Variants in CLEC16A observed in about 807,000 individuals in gnomAD.
The protein encoded by CLEC16A is protein CLEC16A.
CLEC16A carries 51 observed loss-of-function variants against 109.5 expected under a neutral mutation model. The ratio of observed to expected loss-of-function variants is 0.47; its 90% confidence interval spans 0.37 to 0.59. The LOEUF (loss-of-function observed/expected upper bound fraction) is 0.59. Among genes scored for constraint, CLEC16A ranks in the 20% least tolerant of loss-of-function variants. The pLI is 0.00. For synonymous variants in CLEC16A, 673 were observed against 564.2 expected (o/e 1.19, Z -2.73); for missense variants, 1,339 against 1,394.0 (o/e 0.96, Z 0.63).
chr16:10,956,295 C>G (rs1299568719), intron 1 of CLEC16A, among the ~76,000 whole-genome samples: 3 of 152,202 alleles, frequency 2.0e-5, no homozygotes, highest in Non-Finnish European at 2.9e-5. Context: ...TAAATAAACC[C>G]TAGCCCCTTT....
Position 11,181,926 on chromosome 16 carries a change from G to A in CLEC16A, c.*3236G>A, listed in dbSNP as rs568288080. On this transcript the variant is annotated 3_prime_UTR_variant, in exon 24 of 24. Coordinates refer to ENST00000409790, the MANE Select transcript of CLEC16A (RefSeq NM_015226.3). ...AATAAATAAATCTGAAGCATTTAAT[G>A]TAGTCATCTTGACATTGGGCCTACA... is the stretch of plus-strand genomic sequence containing the variant. 3.9e-5 allele frequency: 6 copies of A among 152,792 alleles called. 1 individual carries two copies. The South Asian group carries it at 1.2e-3, about 32-fold the overall frequency. 9.5% of individuals were successfully genotyped at this position (152,792 alleles called of 1,614,324 possible).
At chr16:11,062,954 C>T (rs922803328) in intron 19 of CLEC16A, among the ~76,000 whole-genome samples, 13 of 152,232 alleles carry the variant, frequency 8.5e-5, no homozygotes, top group East Asian at 1.9e-4. Context: ...TGTTTGCATC[C>T]GTGAAATGGA....
intron 14 of CLEC16A, chr16:11,040,152 C>CA (rs2047243907): frequency 2.5e-6 from 1 of 406,054 alleles, no homozygotes; most frequent in African/African-American, 2.0e-5. Context: ...CTGAGATTGT[C>CA]AATGTTTTCG....
chr16:10,982,705 A>C (rs1481108254), intron 9 of CLEC16A, among the ~76,000 whole-genome samples, 173 bp from the exon 10 acceptor site: 2 of 152,200 alleles, frequency 1.3e-5, no homozygotes, highest in Non-Finnish European at 2.9e-5. Context: ...TGACCTTACA[A>C]GAGTGGAACC....
intron 22 of CLEC16A, among the ~76,000 whole-genome samples, chr16:11,139,588 T>C (rs1413710063): frequency 4.6e-5 from 7 of 152,196 alleles, no homozygotes; most frequent in Non-Finnish European, 1.0e-4. Context: ...CAAAAACACA[T>C]TCCAAAACCC....
intron 18 of CLEC16A, among the ~76,000 whole-genome samples, chr16:11,057,976 C>T (rs1474493774): frequency 6.6e-6 from 1 of 152,188 alleles, no homozygotes. Flanking sequence ...CATGGGGAAT[C>T]AAGAGAGTGC....
chr16:10,978,130 C>T (rs78284748), intron 8 of CLEC16A, among the ~76,000 whole-genome samples: 49 of 152,290 alleles, frequency 3.2e-4, no homozygotes, highest in Non-Finnish European at 4.6e-4. Context: ...GGGAACGGTC[C>T]CAGGGTGGTG....
At chr16:11,139,255 C>G (rs938498064) in intron 22 of CLEC16A, among the ~76,000 whole-genome samples, 2 of 152,146 alleles carry the variant, frequency 1.3e-5, no homozygotes, top group Non-Finnish European at 2.9e-5. Context: ...GACAGAACCT[C>G]CAAGCTTGGC....
At chr16:11,139,886 C>T (rs997458911) in intron 22 of CLEC16A, among the ~76,000 whole-genome samples, 7 of 152,170 alleles carry the variant, frequency 4.6e-5, no homozygotes, top group Non-Finnish European at 8.8e-5. Context: ...TTATTGAATG[C>T]CAACTATGTG....
chr16:11,013,800 A>G (rs1360940602), intron 11 of CLEC16A, among the ~76,000 whole-genome samples: 2 of 151,874 alleles, frequency 1.3e-5, no homozygotes, highest in African/African-American at 2.4e-5. Flanking sequence ...TGAGCCGGGC[A>G]TGGTGGCGTA....
chr16:11,123,735 T>C lies in CLEC16A; in HGVS notation c.2269-7T>C, dbSNP rs770024374. The C allele has an allele frequency of 2.5e-6, 4 of 1,613,982 alleles. No homozygotes were observed. The South Asian group carries it at 3.3e-5, about 13-fold the overall frequency. ...GAATGCCTTTTCCTTTGCTTCTCAC[T>C]GTGCAGGACATGCAGGTGACTGGCG... On this transcript the variant is annotated splice_polypyrimidine_tract_variant and splice_region_variant and intron_variant, in intron 20 of 23. Transcript: ENST00000409790.
chr16:11,042,945 A>G (rs928143832), intron 15 of CLEC16A, among the ~76,000 whole-genome samples: 2 of 150,678 alleles, frequency 1.3e-5, no homozygotes, highest in Non-Finnish European at 3.0e-5. Flanking sequence ...ACAATATGTA[A>G]ATATTATACA....
At chr16:10,951,192 AC>A in intron 1 of CLEC16A, among the ~76,000 whole-genome samples, 1 of 151,670 alleles carries the variant, frequency 6.6e-6, no homozygotes, top group East Asian at 1.9e-4. Flanking sequence ...GGCATTTCAA[AC>A]TCTGAAGCTC....
chr16:10,985,336 T>A, intron 10 of CLEC16A, among the ~76,000 whole-genome samples: 1 of 151,886 alleles, frequency 6.6e-6, no homozygotes, highest in East Asian at 1.9e-4. Flanking sequence ...TTGCCAACAT[T>A]AAAATTTAGG....
chr16:11,024,940 C>G lies in CLEC16A; in HGVS notation c.1537+19C>G. 5 of 1,554,706 alleles carry G rather than the reference C, an allele frequency of 3.2e-6. No individual in the cohort carries two copies. Among genetic ancestry groups the G allele is most frequent in the Non-Finnish European group, 4.4e-6 (5 of 1,135,436 alleles). On this transcript the variant is annotated intron_variant, in intron 13 of 23. Transcript: ENST00000409790. ...AATAAAGGTAAGCACCCTTGCCTTG[C>G]CTGACTTCCTTGCTGGGCCCTGCAT...
At chr16:11,008,854 C>T (rs2045216349) in intron 11 of CLEC16A, among the ~76,000 whole-genome samples, 1 of 146,446 alleles carries the variant, frequency 6.8e-6, no homozygotes, top group African/African-American at 2.6e-5. Flanking sequence ...AAAAAACTAG[C>T]CAGGCGTGGT....
chr16:10,982,971 C>T lies in CLEC16A; in HGVS notation c.1051C>T (p.Gln351Ter). The change falls in exon 10 of 24, where the codon CAG becomes TAG. Residue 351 changes from glutamine to a stop codon, truncating the protein, a stop_gained. Coordinates refer to ENST00000409790, the MANE Select transcript of CLEC16A (RefSeq NM_015226.3). LOFTEE classifies it high-confidence loss of function. ...DLSEMYAKTE[Q>*]DIQRSSAKPS... ...GTCTGAGATGTACGCTAAGACTGAA[C>T]AGGATATTCAGAGAAGTTCTGTAAG... is the stretch of plus-strand genomic sequence containing the variant. 2 of 1,605,152 alleles carry T rather than the reference C, an allele frequency of 1.2e-6. No individual in the cohort carries two copies. The highest frequency in any genetic ancestry group is 1.7e-6 in the Non-Finnish European group (2 of 1,171,934).
intron 19 of CLEC16A, among the ~76,000 whole-genome samples, chr16:11,084,935 A>T (rs188153271): frequency 4.1e-4 from 62 of 152,372 alleles, no homozygotes; most frequent in African/African-American, 1.3e-3. Context: ...AGAAGGCTGC[A>T]CGCAGGCTGG....
At chr16:10,996,528 C>A (rs1049170887) in intron 10 of CLEC16A, among the ~76,000 whole-genome samples, 32 of 152,236 alleles carry the variant, frequency 2.1e-4, no homozygotes, top group African/African-American at 7.7e-4. Flanking sequence ...GAGCATGCTG[C>A]TGAAGTCCTG....
Sources: allele counts gnomAD v4.1 joint callset (sites outside exome capture counted in the v4.1 genomes callset), GRCh38; gene constraint gnomAD v4.1.1; transcripts MANE v1.5; gene names NCBI Gene and HGNC (gene_info 2026-07-23, HGNC 2026-07-21).